The following ACBD3 variants were observed in gnomAD, a reference collection of about 807,000 sequenced individuals.
ACBD3 encodes Golgi resident protein GCP60.
In ACBD3, 30 loss-of-function variants were observed where a neutral mutation model predicts 66.9. The ratio of observed to expected loss-of-function variants is 0.45; its 90% CI spans 0.34 to 0.61. The LOEUF is 0.61. Among genes scored for constraint, ACBD3 ranks in the 20% least tolerant of loss-of-function variants. ACBD3 has a pLI of 0.02. For synonymous variants in ACBD3, 278 were observed against 259.8 expected (o/e 1.07, Z -0.68); for missense variants, 544 against 664.5 (o/e 0.82, Z 1.99).
chr1:226,165,781 T>C (rs2102782945), intron 2 of ACBD3, 78 bp downstream of exon 2: 2 of 1,488,722 alleles, frequency 1.3e-6, no homozygotes, highest in Non-Finnish European at 1.8e-6. Flanking sequence ...ACCAGCTACT[T>C]ACACCTTAAC....
chr1:226,165,353 T>G (rs1012511998), intron 2 of ACBD3, among the ~76,000 whole-genome samples: 2 of 152,082 alleles, frequency 1.3e-5, no homozygotes, highest in Non-Finnish European at 2.9e-5. Context: ...TAATTTTTAG[T>G]AGAGATGGGG....
At chr1:226,182,770 G>A (rs2102792152) in intron 1 of ACBD3, among the ~76,000 whole-genome samples, 1 of 152,148 alleles carries the variant, frequency 6.6e-6, no homozygotes, top group Admixed American at 6.5e-5. Flanking sequence ...TCCCCCCTCT[G>A]GAATGGCATC....
intron 1 of ACBD3, among the ~76,000 whole-genome samples, chr1:226,174,142 C>T (rs1328242256): frequency 6.6e-6 from 1 of 152,128 alleles, no homozygotes; most frequent in Non-Finnish European, 1.5e-5. Flanking sequence ...GTACCACTAA[C>T]TGCACAGACA....
chr1:226,166,080 C>A, intron 1 of ACBD3, 80 bp from the exon 2 acceptor site: 1 of 1,419,072 alleles, frequency 7.0e-7, no homozygotes, highest in Non-Finnish European at 9.4e-7. Context: ...TAAAGCTTTG[C>A]TACAAAGCAT....
intron 7 of ACBD3, among the ~76,000 whole-genome samples, chr1:226,150,081 G>A (rs1291555384): frequency 6.8e-6 from 1 of 147,918 alleles, no homozygotes; most frequent in Non-Finnish European, 1.5e-5. Flanking sequence ...TTTAGAGGGA[G>A]GGCCTAGCTC....
In ACBD3 at chr1:226,165,990, G is replaced by A. The variant is rs1290868895; in HGVS notation, c.297C>T (p.Gly99=). Residue 99 remains glycine, a synonymous_variant, in exon 2 of 8, where the codon GGC becomes GGT. Coordinates refer to ENST00000366812, the MANE Select transcript of ACBD3 (RefSeq NM_022735.4). ...CTTCATAAGTTGGATGAAATGCTTT[G>A]CCATCTTTTTCTATAAGAAAAAGAA... ...LALRFFKEKD[G]KAFHPTYEEK... 2.5e-6 allele frequency: 4 copies of A among 1,600,652 alleles called. No individual in the cohort carries two copies. The African/African-American group carries it at 5.4e-5, about 22-fold the overall frequency.
In ACBD3 at chr1:226,171,962, CCTGA is replaced by C. The variant is rs527449368; in HGVS notation, c.287-5966_287-5963del. On this transcript the variant is annotated intron_variant, in intron 1 of 7. Transcript: ENST00000366812. ...CCTGAGGTCAGGAGTTTGAGATCAG[CCTGA>C]CTAACATGAGAAACCCCGTCTCTAA... Among the ~76,000 whole-genome samples, 57 of 151,658 alleles carry C rather than the reference CCTGA, an allele frequency of 3.8e-4. 1 individual carries two copies. The highest frequency in any genetic ancestry group is 1.2e-3 in the African/African-American group (49 of 41,456).
intron 1 of ACBD3, among the ~76,000 whole-genome samples, chr1:226,168,906 T>A (rs1198203617): frequency 2.0e-5 from 3 of 152,220 alleles, no homozygotes; most frequent in Non-Finnish European, 2.9e-5. Context: ...TTGCCCAGGC[T>A]GGAGTGCAGT....
intron 1 of ACBD3, among the ~76,000 whole-genome samples, chr1:226,182,383 G>A (rs896516371): frequency 1.3e-4 from 20 of 152,120 alleles, no homozygotes; most frequent in African/African-American, 4.8e-4. Flanking sequence ...TTGGAAGGCC[G>A]AGGCGGGGAG....
At chr1:226,158,055 T>G (rs1319054051) in intron 5 of ACBD3, among the ~76,000 whole-genome samples, 2 of 152,224 alleles carry the variant, frequency 1.3e-5, no homozygotes, top group African/African-American at 4.8e-5. Context: ...AAAATACCAC[T>G]TATTATCTTG....
chr1:226,185,541 C>A (rs1207570424), intron 1 of ACBD3, among the ~76,000 whole-genome samples: 1 of 151,726 alleles, frequency 6.6e-6, no homozygotes, highest in Non-Finnish European at 1.5e-5. Flanking sequence ...ATCAAACTAA[C>A]GGGCTTTCAT....
chr1:226,148,119 A>T (rs1042717028), intron 7 of ACBD3: 1 of 152,230 alleles, frequency 6.6e-6, no homozygotes, highest in Non-Finnish European at 1.5e-5. Context: ...AGATATGATG[A>T]CTGACTATAA....
chr1:226,170,333 ATTTTTTTTT>A (rs71574563), intron 1 of ACBD3, among the ~76,000 whole-genome samples: 1 of 109,846 alleles, frequency 9.1e-6, no homozygotes, highest in Non-Finnish European at 1.7e-5. Context: ...AATTTTTTGA[ATTTTTTTTT>A]TTTTTTTTTT....
intron 7 of ACBD3, 101 bp from the exon 8 acceptor site, chr1:226,146,922 T>G: frequency 4.3e-6 from 5 of 1,161,228 alleles, no homozygotes; most frequent in Non-Finnish European, 6.3e-6. Flanking sequence ...GACAGAGTCT[T>G]GCTCTGTCAC....
intron 1 of ACBD3, among the ~76,000 whole-genome samples, chr1:226,170,151 C>CTTT (rs5781423): frequency 1.5e-5 from 2 of 136,772 alleles, no homozygotes; most frequent in South Asian, 2.2e-4. Flanking sequence ...TTTTCCTTTC[C>CTTT]TTTTTTTTTT....
intron 7 of ACBD3, among the ~76,000 whole-genome samples, chr1:226,151,726 G>T (rs183327391): frequency 6.6e-6 from 1 of 152,166 alleles, no homozygotes; most frequent in Non-Finnish European, 1.5e-5. Flanking sequence ...TTTCAAAGTG[G>T]GTCGGGTGCT....
chr1:226,154,084 G>A (rs1016924451), intron 6 of ACBD3, among the ~76,000 whole-genome samples: 10 of 152,182 alleles, frequency 6.6e-5, no homozygotes, highest in Admixed American at 5.9e-4. Context: ...CATCTTGACT[G>A]CAATCTCATG....
chr1:226,181,451 A>G (rs547303026), intron 1 of ACBD3, among the ~76,000 whole-genome samples: 2 of 152,066 alleles, frequency 1.3e-5, no homozygotes, highest in Admixed American at 6.5e-5. Flanking sequence ...CTCCCAACAT[A>G]TAATACTCTA....
intron 1 of ACBD3, among the ~76,000 whole-genome samples, chr1:226,177,186 G>C (rs1206024860): frequency 8.2e-6 from 1 of 121,352 alleles, no homozygotes; most frequent in Non-Finnish European, 1.7e-5. Context: ...TTTTTTTTTA[G>C]ACGGAGTCTT....
Sources: allele counts gnomAD v4.1 joint callset (sites outside exome capture counted in the v4.1 genomes callset), GRCh38; gene constraint gnomAD v4.1.1; transcripts MANE v1.5; gene names NCBI Gene and HGNC (gene_info 2026-07-23, HGNC 2026-07-21).